Variants in VWF observed in about 807,000 individuals in gnomAD.
VWF encodes the protein Factor VIII related antigen.
Under a neutral mutation model 308.6 loss-of-function variants are expected in VWF, and 176 were observed. That is an observed-to-expected ratio of 0.57 (90% CI 0.50 to 0.65). VWF has a LOEUF of 0.65. Among genes scored for constraint, VWF ranks in the 30% least tolerant of loss-of-function variants. The pLI is 0.00. For synonymous variants in VWF, 1,385 were observed against 1,443.4 expected (o/e 0.96, Z 0.92); for missense variants, 3,146 against 3,648.2 (o/e 0.86, Z 3.55).
intron 6 of VWF, among the ~76,000 whole-genome samples, chr12:6,085,323 CT>C (rs1247329192): frequency 6.6e-6 from 1 of 152,222 alleles, no homozygotes; most frequent in Non-Finnish European, 1.5e-5. Flanking sequence ...TGCGCTATCA[CT>C]TACCATTCAC....
intron 5 of VWF, among the ~76,000 whole-genome samples, chr12:6,105,762 C>T (rs997386098): frequency 1.3e-5 from 2 of 151,918 alleles, no homozygotes; most frequent in Non-Finnish European, 2.9e-5. Context: ...TTGAGCCGGA[C>T]GCGGTGGTTC....
chr12:6,008,625 A>T (rs1300190110), intron 34 of VWF, among the ~76,000 whole-genome samples: 1 of 152,160 alleles, frequency 6.6e-6, no homozygotes, highest in Non-Finnish European at 1.5e-5. Context: ...AAAGATGCCC[A>T]CTCTCACCAC....
intron 22 of VWF, among the ~76,000 whole-genome samples, chr12:6,027,215 C>T (rs954614338): frequency 6.6e-6 from 1 of 152,130 alleles, no homozygotes; most frequent in Non-Finnish European, 1.5e-5. Flanking sequence ...CAAGTCCCTC[C>T]TCTGTAGCCA....
intron 18 of VWF, among the ~76,000 whole-genome samples, chr12:6,037,884 G>A (rs1013804106): frequency 1.3e-5 from 2 of 152,172 alleles, no homozygotes; most frequent in East Asian, 1.9e-4. Flanking sequence ...GGCTAGAATC[G>A]TATGTGAGCA....
chr12:6,018,416 T>G lies in VWF; in HGVS notation c.5002A>C (p.Arg1668=). 1 of 1,611,054 alleles carries G rather than the reference T, an allele frequency of 6.2e-7. No homozygotes were observed. The highest frequency in any genetic ancestry group is 8.5e-7 in the Non-Finnish European group (1 of 1,179,102). ...PREAPDLVLQ[R]CCSGEGLQIP... ...TGCAGCCCCTCTCCGGAGCAGCACC[T>G]CTGCAGCACCAGGTCAGGAGCCTCT... The change falls in exon 28 of 52, where the codon AGG becomes CGG. Residue 1668 remains arginine, a synonymous_variant. Coordinates refer to ENST00000261405, the MANE Select transcript of VWF (RefSeq NM_000552.5).
intron 6 of VWF, among the ~76,000 whole-genome samples, chr12:6,095,066 G>A (rs561588683): frequency 1.3e-5 from 2 of 151,892 alleles, no homozygotes; most frequent in Non-Finnish European, 2.9e-5. Context: ...CCAAAGTGCT[G>A]GGATTACAGG....
At chr12:6,026,613 A>G (rs1944195595) in intron 22 of VWF, among the ~76,000 whole-genome samples, 1 of 152,246 alleles carries the variant, frequency 6.6e-6, no homozygotes, top group African/African-American at 2.4e-5. Flanking sequence ...GCAACATGCA[A>G]CAAGTTCTGA....
At position 6,020,655 on chromosome 12, in the gene VWF, T is replaced by C. The variant is rs1188871573; in HGVS notation, c.3675-912A>G. ...CAAGTGACCGTGTGGTGGAGACCAA[T>C]ATGGGCCAGGACCATCTCCTCTTTG... On this transcript the variant is annotated intron_variant, in intron 27 of 51. Coordinates refer to ENST00000261405, the MANE Select transcript of VWF (RefSeq NM_000552.5). This position sits in a 1 kb window ranked among gnomAD's most constrained non-coding sequence, Gnocchi z 4.3. Among the ~76,000 whole-genome samples the C allele has an allele frequency of 6.6e-6, 1 of 152,228 alleles. No homozygotes were observed. Among genetic ancestry groups the C allele is most frequent in the Admixed American group, 6.5e-5 (1 of 15,288 alleles).
Position 5,983,256 on chromosome 12 carries a change from T to C in VWF, c.6977-2A>G. ...GGTCACAGCTCACTGGGTCACACAC[T>C]GAGGGCCAGAAAGAGAGACGTCCAT... On this transcript the variant is annotated splice_acceptor_variant, in intron 40 of 51. Coordinates refer to ENST00000261405, the MANE Select transcript of VWF (RefSeq NM_000552.5). LOFTEE classifies it high-confidence loss of function. 2 of 1,613,826 alleles carry C rather than the reference T, an allele frequency of 1.2e-6. No homozygotes were observed. Among genetic ancestry groups the C allele is most frequent in the South Asian group, 2.2e-5 (2 of 90,990 alleles).
chr12:6,110,737 C>A, intron 4 of VWF, 129 bp downstream of exon 4: 1 of 1,309,866 alleles, frequency 7.6e-7, no homozygotes, highest in Non-Finnish European at 1.1e-6. Context: ...GGCTCTCACC[C>A]AGCCCTGCTA....
At chr12:5,994,728 T>C in intron 35 of VWF, 121 bp from the exon 36 acceptor site, 1 of 854,360 alleles carries the variant, frequency 1.2e-6, no homozygotes, top group East Asian at 2.5e-5. Flanking sequence ...GCCACAAACC[T>C]TGATATTTGT....
chr12:5,970,506 C>T (rs905505680), intron 44 of VWF, among the ~76,000 whole-genome samples: 5 of 152,136 alleles, frequency 3.3e-5, no homozygotes, highest in Admixed American at 6.5e-5. Flanking sequence ...CTGAGCTGGA[C>T]CTTGACCCTG....
At chr12:6,120,878 C>G (rs1024809752) in intron 3 of VWF, among the ~76,000 whole-genome samples, 1 of 152,134 alleles carries the variant, frequency 6.6e-6, no homozygotes, top group African/African-American at 2.4e-5. Flanking sequence ...TTCTCTAGTT[C>G]ATCATTTGCC....
chr12:5,995,452 T>C (rs1256740188), intron 35 of VWF, among the ~76,000 whole-genome samples: 1 of 152,212 alleles, frequency 6.6e-6, no homozygotes, highest in Non-Finnish European at 1.5e-5. Context: ...TACAAGTTGT[T>C]TTCACACAAT....
rs2239158 is a variant in VWF, at chr12:6,063,227, T to C, written c.1433-173A>G. Among the ~76,000 whole-genome samples the C allele has an allele frequency of 0.57, 86,056 of 151,802 alleles. 24,541 individuals carry two copies. The highest frequency in any genetic ancestry group is 0.63 in the Admixed American group (9,572 of 15,272). On this transcript the variant is annotated intron_variant, in intron 12 of 51. Coordinates refer to ENST00000261405, the MANE Select transcript of VWF (RefSeq NM_000552.5). This position sits in a 1 kb window ranked among gnomAD's most constrained non-coding sequence, Gnocchi z 4.9. ...TTTAAGGGGGTGTCAGGAGGAAGGGTGATCAAGGTGGACAGAGCGCAAATA... is the reference window on the plus strand; with the variant it reads ...TTTAAGGGGGTGTCAGGAGGAAGGGCGATCAAGGTGGACAGAGCGCAAATA...
At chr12:5,952,571 G>T (rs542401832) in intron 48 of VWF, 52 bp from the exon 49 acceptor site, 1 of 1,601,956 alleles carries the variant, frequency 6.2e-7, no homozygotes, top group South Asian at 1.1e-5. Flanking sequence ...GGTTCACAAA[G>T]CCACTTCAAA....
intron 47 of VWF, among the ~76,000 whole-genome samples, chr12:5,960,826 A>G (rs1294205424): frequency 6.6e-6 from 1 of 152,202 alleles, no homozygotes; most frequent in African/African-American, 2.4e-5. Context: ...ATAGATGAGA[A>G]CTTCTTCAAT....
chr12:6,101,109 T>C (rs1358926636), intron 5 of VWF, among the ~76,000 whole-genome samples: 3 of 152,038 alleles, frequency 2.0e-5, no homozygotes, highest in Admixed American at 2.0e-4. Context: ...GTTAATGAAA[T>C]GAACAGAAAC....
chr12:5,997,031 G>A (rs16932345), intron 34 of VWF, among the ~76,000 whole-genome samples: 1,576 of 152,230 alleles, frequency 0.01, 33 homozygotes, highest in African/African-American at 0.036. Context: ...ACATGCCCAA[G>A]AGCTGAGACA....
Sources: allele counts gnomAD v4.1 joint callset (sites outside exome capture counted in the v4.1 genomes callset), GRCh38; gene constraint gnomAD v4.1.1; non-coding constraint Gnocchi (gnomAD v3.1); transcripts MANE v1.5; gene names NCBI Gene and HGNC (gene_info 2026-07-23, HGNC 2026-07-21).